The following CCDC66 variants were observed in gnomAD, a reference collection of about 807,000 sequenced individuals.
The protein encoded by CCDC66 is coiled-coil domain-containing protein 66.
CCDC66 carries 133 observed loss-of-function variants against 128.3 expected under a neutral mutation model. The observed-to-expected ratio is 1.04, with a 90% CI of 0.90 to 1.20. The LOEUF (loss-of-function observed/expected upper bound fraction) is 1.20, where lower values mean the gene tolerates loss of function less well. Ranked by LOEUF, CCDC66 falls within the 50% of genes most tolerant of loss-of-function variation. The pLI, the probability that CCDC66 is intolerant of heterozygous loss-of-function variation, is 0.00. For missense variants in CCDC66, 1,126 were observed against 1,075.5 expected (o/e 1.05, Z -0.66); for synonymous variants, 387 against 357.0 (o/e 1.08, Z -0.95).
chr3:56,603,855 C>CTCATTGAT (rs1430913411), intron 10 of CCDC66, among the ~76,000 whole-genome samples: 1 of 151,996 alleles, frequency 6.6e-6, no homozygotes, highest in Non-Finnish European at 1.5e-5. Flanking sequence ...AATTTTCTGT[C>CTCATTGAT]TCATTGATCT....
In CCDC66 at chr3:56,558,987, T is replaced by C. The variant is rs979953744; in HGVS notation, c.76+77T>C. 5.9e-6 allele frequency: 6 copies of C among 1,019,814 alleles called. No individual in the cohort carries two copies. In the African/African-American group the frequency reaches 8.2e-5, roughly 14 times the overall value. 63.2% of individuals were successfully genotyped at this position (1,019,814 alleles called of 1,614,324 possible). A position where few individuals can be genotyped will look rare whatever the true frequency, so the allele number is the denominator to read the frequency against. ...AATTTATATTAGTTCAACAGACTTTTTGCTTGTAATAGAGTGATATTTAAA... is the reference window on the plus strand; with the variant it reads ...AATTTATATTAGTTCAACAGACTTTCTGCTTGTAATAGAGTGATATTTAAA... On this transcript the variant is annotated intron_variant, in intron 2 of 17. Transcript: ENST00000394672.
At chr3:56,561,394 A>G in intron 3 of CCDC66, 1 of 393,004 alleles carries the variant, frequency 2.5e-6, no homozygotes, top group Non-Finnish European at 5.0e-6. Context: ...CCTATAATAA[A>G]GTTACTAGTC....
chr3:56,616,016 TTC>T lies in CCDC66; in HGVS notation c.1808_1809del (p.Ser603TyrfsTer4). ...ISGKMNTYMNSTTSKKDTGVQ... is the reference protein window; with the variant it reads ...ISGKMNTYMNXTTSKKDTGVQ... ...GTGGTAAAATGAATACATATATGAATTCTACGACTTCTAAGAAGGATACTGGT... is the reference window on the plus strand; with the variant it reads ...GTGGTAAAATGAATACATATATGAATTACGACTTCTAAGAAGGATACTGGT... On this transcript the variant is annotated frameshift_variant, in exon 13 of 18. Transcript: ENST00000394672. LOFTEE classifies it high-confidence loss of function. The T allele has an allele frequency of 1.3e-6, 2 of 1,534,850 alleles. No individual in the cohort carries two copies. The highest frequency in any genetic ancestry group is 2.3e-5 in the South Asian group (2 of 85,824).
rs559234868 is a variant in CCDC66, at chr3:56,558,797, A to G, written c.12-49A>G. ...AAATGAACATTTCTGGTTATTTAAA[A>G]TGTTGCGGTTTGTTAAAAATGAGAG... On this transcript the variant is annotated intron_variant, in intron 1 of 17. Transcript: ENST00000394672. 6.0e-5 allele frequency: 73 copies of G among 1,215,600 alleles called. No individual in the cohort carries two copies. In the East Asian group the frequency reaches 1.8e-3, roughly 30 times the overall value. 75.3% of individuals were successfully genotyped at this position (1,215,600 alleles called of 1,614,324 possible).
Position 56,621,670 on chromosome 3 carries a change from A to C in CCDC66, c.*52A>C. Reference sequence around the variant, plus strand: ...TGATTTGTGTCTTCCAAATTATAAAATGTGCTCACTGGCTCAACTGTATTT... The same window carrying C: ...TGATTTGTGTCTTCCAAATTATAAACTGTGCTCACTGGCTCAACTGTATTT... On this transcript the variant is annotated 3_prime_UTR_variant, in exon 18 of 18. Transcript: ENST00000394672. 4 of 1,277,352 alleles carry C rather than the reference A, an allele frequency of 3.1e-6. No individual in the cohort carries two copies. Among genetic ancestry groups the C allele is most frequent in the Non-Finnish European group, 4.5e-6 (4 of 898,270 alleles). The allele number at this position is 1,277,352 out of a possible 1,614,324, so 79.1% of individuals were successfully genotyped here. A position where few individuals can be genotyped will look rare whatever the true frequency, so the allele number is the denominator to read the frequency against.
chr3:56,561,503 C>T (rs2065094997), intron 3 of CCDC66: 2 of 292,946 alleles, frequency 6.8e-6, no homozygotes, highest in Non-Finnish European at 6.6e-6. Context: ...GTGTTCTCAA[C>T]TGATGTTGAG....
At chr3:56,571,039 C>T (rs1026310021) in intron 6 of CCDC66, 142 bp from the exon 7 acceptor site, 27 of 536,580 alleles carry the variant, frequency 5.0e-5, no homozygotes, top group Admixed American at 8.7e-5. Context: ...AAATTATTCT[C>T]CACTTTGTGA....
At position 56,621,648 on chromosome 3, in the gene CCDC66, T is replaced by C. The variant is rs1397148412; in HGVS notation, c.*30T>C. On this transcript the variant is annotated 3_prime_UTR_variant, in exon 18 of 18. Transcript: ENST00000394672. The stretch of plus-strand genomic sequence containing the variant: ...AGAAAATCAAATCCTTCACATTTGA[T>C]TTGTGTCTTCCAAATTATAAAATGT... The C allele has an allele frequency of 1.4e-6, 2 of 1,463,510 alleles. No homozygotes were observed. The highest frequency in any genetic ancestry group is 1.9e-6 in the Non-Finnish European group (2 of 1,058,678). The allele number at this position is 1,463,510 out of a possible 1,614,324, so 90.7% of individuals were successfully genotyped here.
At chr3:56,574,380 A>G (rs1331570253) in intron 7 of CCDC66, among the ~76,000 whole-genome samples, 6 of 134,210 alleles carry the variant, frequency 4.5e-5, no homozygotes, top group Non-Finnish European at 9.8e-5. Context: ...AAAAAAAATC[A>G]GTTTTTATGT....
intron 10 of CCDC66, among the ~76,000 whole-genome samples, chr3:56,608,703 G>C (rs1433919414): frequency 6.6e-6 from 1 of 152,076 alleles, no homozygotes; most frequent in Non-Finnish European, 1.5e-5. Flanking sequence ...TAGATTGTCT[G>C]TCTGTGCTCT....
rs1308071228 is a variant in CCDC66, at chr3:56,584,055, G to T, written c.937-8915G>T. ...TCCCTCCCGGACGGGGCGGCTGGCC[G>T]GGCGGGGGCTGCCCCCCACCTCCCT... On this transcript the variant is annotated intron_variant, in intron 7 of 17. Transcript: ENST00000394672. Among the ~76,000 whole-genome samples, 3 of 140,268 alleles carry T rather than the reference G, an allele frequency of 2.1e-5. No individual in the cohort carries two copies. The South Asian group carries it at 6.6e-4, about 31-fold the overall frequency. The allele number at this position is 140,268 out of a possible 152,430, so 92.0% of individuals were successfully genotyped here. A position where few individuals can be genotyped will look rare whatever the true frequency, so the allele number is the denominator to read the frequency against.
At chr3:56,591,322 C>T (rs2070852093) in intron 7 of CCDC66, among the ~76,000 whole-genome samples, 1 of 151,886 alleles carries the variant, frequency 6.6e-6, no homozygotes, top group Non-Finnish European at 1.5e-5. Flanking sequence ...TTGTCTAATC[C>T]CTGAATAATT....
rs1027622455 is a variant in CCDC66 at position 56,593,909 on chromosome 3, G to T, written c.1320-35G>T. 6.9e-6 allele frequency: 11 copies of T among 1,603,688 alleles called. No individual in the cohort carries two copies. In the African/African-American group the frequency reaches 1.5e-4, roughly 22 times the overall value. On this transcript the variant is annotated intron_variant, in intron 9 of 17. Transcript: ENST00000394672. ...TTTAGCTTGTTGAATCTACCTTTTTGAGGTTTTGAATAGCTAATGTATGTA... is the reference window on the plus strand; with the variant it reads ...TTTAGCTTGTTGAATCTACCTTTTTTAGGTTTTGAATAGCTAATGTATGTA...
At chr3:56,582,251 A>C (rs2068522345) in intron 7 of CCDC66, among the ~76,000 whole-genome samples, 1 of 151,918 alleles carries the variant, frequency 6.6e-6, no homozygotes, top group Non-Finnish European at 1.5e-5. Flanking sequence ...CCATTTGCTA[A>C]GGCCATTGGA....
chr3:56,616,989 G>C (rs1350095495), intron 13 of CCDC66, 123 bp from the exon 14 acceptor site: 1 of 799,486 alleles, frequency 1.3e-6, no homozygotes. Context: ...GTTCGGTTTT[G>C]TTGAAAATTA....
At chr3:56,585,836 A>C (rs549704943) in intron 7 of CCDC66, among the ~76,000 whole-genome samples, 2 of 152,044 alleles carry the variant, frequency 1.3e-5, no homozygotes, top group South Asian at 4.1e-4. Flanking sequence ...TTAATACAAA[A>C]GTTCTTAAAG....
intron 10 of CCDC66, among the ~76,000 whole-genome samples, chr3:56,612,013 C>A (rs535345482): frequency 6.6e-6 from 1 of 152,310 alleles, no homozygotes; most frequent in South Asian, 2.1e-4. Context: ...TGCAGTTGAT[C>A]TATAGCTAAA....
chr3:56,619,397 A>G lies in CCDC66; in HGVS notation c.2505A>G (p.Glu835=). Residue 835 remains glutamate, a synonymous_variant, in exon 16 of 18, where the codon GAA becomes GAG. Transcript: ENST00000394672. Reference sequence around the variant, plus strand: ...TGATCTCAGGAAGTAATCAAACAGAATTATCATCTGGGATTTCTGAATCAT... The same window carrying G: ...TGATCTCAGGAAGTAATCAAACAGAGTTATCATCTGGGATTTCTGAATCAT... ...ENLISGSNQT[E]LSSGISESSH... is the part of the protein sequence containing the mutation. 6.2e-7 allele frequency: 1 copy of G among 1,613,968 alleles called. No individual in the cohort carries two copies. The highest frequency in any genetic ancestry group is 8.5e-7 in the Non-Finnish European group (1 of 1,179,946).
At chr3:56,600,220 C>T (rs986343510) in intron 10 of CCDC66, among the ~76,000 whole-genome samples, 2 of 149,264 alleles carry the variant, frequency 1.3e-5, no homozygotes, top group Non-Finnish European at 3.0e-5. Context: ...GCAATCTCAG[C>T]TCACTGCGAC....
Sources: gnomAD v4.1 joint callset for allele counts (sites outside exome capture counted in the v4.1 genomes callset) on GRCh38, gnomAD v4.1.1 for gene constraint, MANE v1.5 for transcripts, NCBI Gene and HGNC (gene_info 2026-07-23, HGNC 2026-07-21) for gene names.